Variants in PMS1 observed in about 807,000 individuals in gnomAD.
The protein encoded by PMS1 is PMS1 homolog 1, mismatch repair system component.
PMS1 carries 79 observed loss-of-function variants against 93.1 expected under a neutral mutation model. The observed-to-expected ratio is 0.85, with a 90% confidence interval of 0.71 to 1.02. The LOEUF (loss-of-function observed/expected upper bound fraction) is 1.02, where lower values mean the gene tolerates loss of function less well. PMS1 is among the 50% of genes least tolerant of loss of function. The pLI is 0.00. For missense variants in PMS1, 1,064 were observed against 1,085.3 expected (o/e 0.98, Z 0.28); for synonymous variants, 335 against 363.4 (o/e 0.92, Z 0.89).
At chr2:189,805,890 G>A in intron 4 of PMS1, 136 bp downstream of exon 4, 8 of 1,541,316 alleles carry the variant, frequency 5.2e-6, no homozygotes, top group Non-Finnish European at 7.0e-6. Context: ...TAACTTCCAA[G>A]TAAACATTCA....
At chr2:189,803,029 ACAGG>A (rs143617164) in intron 3 of PMS1, among the ~76,000 whole-genome samples, 5 of 152,190 alleles carry the variant, frequency 3.3e-5, no homozygotes, top group Non-Finnish European at 7.3e-5. Context: ...CAATACTTGC[ACAGG>A]CAGGCAGGCA....
rs151179929 is a variant in PMS1, at chr2:189,830,324, C to T, written c.582+12144C>T. On this transcript the variant is annotated intron_variant, in intron 5 of 12. Coordinates refer to ENST00000441310, the MANE Select transcript of PMS1 (RefSeq NM_000534.5). ...CATTTTGCTTCAGTTGTTTCTGGAACCTGCGAGTCATGCTTCCAGCTCAGG... is the reference window on the plus strand; with the variant it reads ...CATTTTGCTTCAGTTGTTTCTGGAATCTGCGAGTCATGCTTCCAGCTCAGG... Among the ~76,000 whole-genome samples, 737 of 152,288 alleles carry T rather than the reference C, an allele frequency of 4.8e-3. 1 individual carries two copies. The highest frequency in any genetic ancestry group is 8.7e-3 in the Non-Finnish European group (595 of 68,034).
intron 11 of PMS1, 34 bp downstream of exon 11, chr2:189,867,963 GAAA>G (rs754874606): frequency 6.4e-7 from 1 of 1,551,162 alleles, no homozygotes. Flanking sequence ...TTCTGATGTG[GAAA>G]AATTAGTCTT....
intron 9 of PMS1, among the ~76,000 whole-genome samples, chr2:189,856,394 T>C (rs2055339981): frequency 6.6e-6 from 1 of 152,098 alleles, no homozygotes; most frequent in African/African-American, 2.4e-5. Flanking sequence ...GATAAAGATA[T>C]TCATATTTTA....
rs973362695 is a variant in PMS1, at chr2:189,791,918, G to T, written c.109G>T (p.Ala37Ser). The T allele has an allele frequency of 6.2e-7, 1 of 1,613,986 alleles. No homozygotes were observed. Among genetic ancestry groups the T allele is most frequent in the African/African-American group, 1.3e-5 (1 of 75,048 alleles). ...TATTGAAAACTCCTTGGATGCTGGT[G>T]CCACAAGCGTAGATGTTAAACTGGT... is the stretch of plus-strand genomic sequence containing the variant. ...ELIENSLDAG[A>S]TSVDVKLENY... is the part of the protein sequence containing the mutation. The change falls in exon 2 of 13, where the codon GCC (alanine) becomes TCC (serine). Residue 37 changes from alanine to serine, a missense_variant. Transcript: ENST00000441310.
At position 189,854,487 on chromosome 2, in the gene PMS1, T is replaced by C; in HGVS notation, c.1215T>C (p.Asp405=). The change falls in exon 9 of 13, where the codon GAT becomes GAC. Residue 405 remains aspartate, a synonymous_variant. Transcript: ENST00000441310. ...HNDESGKNTD[D]CLNHQISIGD... ...ATGAATCTGGAAAAAACACTGATGA[T>C]TGTTTAAATCACCAGATAAGTATTG... is the stretch of plus-strand genomic sequence containing the variant. 3 of 1,613,582 alleles carry C rather than the reference T, an allele frequency of 1.9e-6. No homozygotes were observed. Among genetic ancestry groups the C allele is most frequent in the Non-Finnish European group, 2.5e-6 (3 of 1,179,680 alleles).
At chr2:189,811,884 T>C (rs2050879389) in intron 4 of PMS1, among the ~76,000 whole-genome samples, 2 of 152,184 alleles carry the variant, frequency 1.3e-5, no homozygotes, top group South Asian at 2.1e-4. Flanking sequence ...TCATGAAATA[T>C]TAAAAGCAGC....
intron 5 of PMS1, among the ~76,000 whole-genome samples, chr2:189,825,373 A>G (rs2052341053): frequency 6.6e-6 from 1 of 152,192 alleles, no homozygotes; most frequent in Admixed American, 6.5e-5. Context: ...TTTAGTTGTA[A>G]TAACTGAATC....
chr2:189,812,617 G>A (rs1429412688), intron 4 of PMS1, among the ~76,000 whole-genome samples: 3 of 151,868 alleles, frequency 2.0e-5, no homozygotes, highest in African/African-American at 7.2e-5. Context: ...TAAAACGCAT[G>A]ACAAAAACTT....
chr2:189,821,749 C>T (rs2051908035), intron 5 of PMS1, among the ~76,000 whole-genome samples: 1 of 151,926 alleles, frequency 6.6e-6, no homozygotes, highest in African/African-American at 2.4e-5. Context: ...GCAGAGGTTG[C>T]AGTGAGCCGA....
chr2:189,863,825 C>G lies in PMS1; in HGVS notation c.1939C>G (p.Leu647Val). 1 of 1,613,926 alleles carries G rather than the reference C, an allele frequency of 6.2e-7. No homozygotes were observed. Among genetic ancestry groups the G allele is most frequent in the Non-Finnish European group, 8.5e-7 (1 of 1,179,932 alleles). ...CATTGAACAGGAGTCACAAATGTCA[C>G]TAAAAGATGGCAGAAAAAAGATAAA... The part of the protein sequence containing the change: ...RAIEQESQMS[L>V]KDGRKKIKPT... The change falls in exon 10 of 13, where the codon CTA becomes GTA. Residue 647 changes from leucine to valine, a missense_variant. Leu to Val is a conservative substitution (Grantham distance 32). Transcript: ENST00000441310.
At chr2:189,824,592 C>T (rs2052262296) in intron 5 of PMS1, among the ~76,000 whole-genome samples, 1 of 152,016 alleles carries the variant, frequency 6.6e-6, no homozygotes, top group Non-Finnish European at 1.5e-5. Context: ...ATTTAGCAAA[C>T]ACAAGTTCCT....
At chr2:189,800,114 C>T (rs2049756680) in intron 3 of PMS1, among the ~76,000 whole-genome samples, 1 of 152,196 alleles carries the variant, frequency 6.6e-6, no homozygotes, top group Admixed American at 6.5e-5. Context: ...CAGGGTGCTG[C>T]ACTAGGTAGT....
intron 5 of PMS1, among the ~76,000 whole-genome samples, chr2:189,834,785 A>G (rs1035858000): frequency 3.3e-5 from 5 of 152,360 alleles, no homozygotes; most frequent in African/African-American, 1.2e-4. Flanking sequence ...GCTTGAGTGC[A>G]GAGGCATGAT....
At chr2:189,853,520 C>CTTTTTTTTTT (rs397976954) in intron 7 of PMS1, among the ~76,000 whole-genome samples, 1 of 141,382 alleles carries the variant, frequency 7.1e-6, no homozygotes. Context: ...CTTTTCTTTT[C>CTTTTTTTTTT]TTTTTTTTTT....
At chr2:189,854,178 T>C in intron 8 of PMS1, 61 bp from the exon 9 acceptor site, 1 of 1,408,976 alleles carries the variant, frequency 7.1e-7, no homozygotes, top group Non-Finnish European at 9.7e-7. Context: ...TTTTTTATTA[T>C]TTAAAATCTT....
At chr2:189,864,732 ATATG>A (rs1221443500) in intron 10 of PMS1, among the ~76,000 whole-genome samples, 2 of 90,400 alleles carry the variant, frequency 2.2e-5, no homozygotes, top group Admixed American at 1.5e-4. Context: ...ATATATATAT[ATATG>A]ATTTCTAATC....
intron 9 of PMS1, among the ~76,000 whole-genome samples, chr2:189,856,626 G>T (rs1004318201): frequency 1.3e-5 from 2 of 152,184 alleles, no homozygotes; most frequent in South Asian, 4.2e-4. Context: ...TTTAAATACA[G>T]TAAGCCCACA....
At chr2:189,806,170 A>G (rs2050325529) in intron 4 of PMS1, 2 of 314,130 alleles carry the variant, frequency 6.4e-6, no homozygotes, top group Non-Finnish European at 5.9e-6. Context: ...TTGTTAATTG[A>G]TGGAAAACTT....
Sources: gnomAD v4.1 joint callset for allele counts (sites outside exome capture counted in the v4.1 genomes callset) on GRCh38, gnomAD v4.1.1 for gene constraint, MANE v1.5 for transcripts, NCBI Gene and HGNC (gene_info 2026-07-23, HGNC 2026-07-21) for gene names.